The following SH2D3C variants were observed in gnomAD, a reference collection of about 807,000 sequenced individuals.
SH2D3C encodes the protein SH2 domain containing 3C.
Under a neutral mutation model 75.2 loss-of-function variants are expected in SH2D3C, and 25 were observed. The observed-to-expected ratio is 0.33, with a 90% CI of 0.24 to 0.46. SH2D3C has a LOEUF of 0.46. Among genes scored for constraint, SH2D3C ranks in the 20% least tolerant of loss-of-function variants. The pLI, the probability that SH2D3C is intolerant of heterozygous loss-of-function variation, is 1.00. For missense variants in SH2D3C, 933 were observed against 1,165.3 expected, an observed-to-expected ratio of 0.80 and a Z score of 2.90; for synonymous variants, 450 against 473.7, an observed-to-expected ratio of 0.95 and a Z score of 0.65.
At chr9:127,771,992 A>G (rs578255097) in intron 2 of SH2D3C, among the ~76,000 whole-genome samples, 1 of 152,262 alleles carries the variant, frequency 6.6e-6, no homozygotes, top group South Asian at 2.1e-4. Context: ...CAGATGAGAA[A>G]CTGAGGCTCC....
At position 127,742,975 on chromosome 9, in the gene SH2D3C, G is replaced by T; in HGVS notation, c.1801-11C>A. 2 of 1,595,826 alleles carry T rather than the reference G, an allele frequency of 1.3e-6. No individual in the cohort carries two copies. The highest frequency in any genetic ancestry group is 1.7e-6 in the Non-Finnish European group (2 of 1,164,066). On this transcript the variant is annotated splice_polypyrimidine_tract_variant and intron_variant, in intron 7 of 11. Transcript: ENST00000314830. ...CAGTATCCTAGCAACCTGCAAAGAC[G>T]CCCAGAGGGCTGATTAATATCCTGT...
At chr9:127,772,978 C>G (rs1845760115) in intron 2 of SH2D3C, among the ~76,000 whole-genome samples, 1 of 152,074 alleles carries the variant, frequency 6.6e-6, no homozygotes, top group South Asian at 2.1e-4. Context: ...GGACTACAGG[C>G]ACGCACCACC....
At chr9:127,757,272 ATTT>A (rs60217641) in intron 3 of SH2D3C, among the ~76,000 whole-genome samples, 4 of 138,632 alleles carry the variant, frequency 2.9e-5, no homozygotes, top group Non-Finnish European at 6.2e-5. Flanking sequence ...CCCTCATTTG[ATTT>A]TTTTTTTTTT....
chr9:127,773,971 C>G lies in SH2D3C; in HGVS notation c.515+19G>C, dbSNP rs1460077480. ...CAGAAGCCATCCCTGCAGGTCCCAA[C>G]CAGCCCCTGGGCACCTACCTTTCTG... is the stretch of plus-strand genomic sequence containing the variant. On this transcript the variant is annotated intron_variant, in intron 2 of 11. Coordinates refer to ENST00000314830, the MANE Select transcript of SH2D3C (RefSeq NM_170600.3). 2.0e-6 allele frequency: 3 copies of G among 1,485,424 alleles called. No homozygotes were observed. The highest frequency in any genetic ancestry group is 2.8e-6 in the Non-Finnish European group (3 of 1,072,912). The allele number at this position is 1,485,424 out of a possible 1,614,324, so 92.0% of individuals were successfully genotyped here.
At position 127,745,018 on chromosome 9, in the gene SH2D3C, G is replaced by A; in HGVS notation, c.1346C>T (p.Pro449Leu). Residue 449 changes from proline to leucine, a missense_variant, in exon 7 of 12, where the codon CCC becomes CTC. Transcript: ENST00000314830. The stretch of plus-strand genomic sequence containing the variant: ...TGGGGCACTTCCGGGACACAGCTGG[G>A]GCTCACTGGAACGGCGGGCGACAGG... ...ASPVARRSSE[P>L]QLCPGSAPKT... is the part of the protein sequence containing the mutation. The A allele has an allele frequency of 6.6e-7, 1 of 1,516,220 alleles. No homozygotes were observed. The highest frequency in any genetic ancestry group is 8.8e-7 in the Non-Finnish European group (1 of 1,132,874). 93.9% of individuals were successfully genotyped at this position (1,516,220 alleles called of 1,614,324 possible).
At chr9:127,740,420 C>A (rs1588488011) in intron 9 of SH2D3C, 51 bp from the exon 10 acceptor site, 1 of 1,366,026 alleles carries the variant, frequency 7.3e-7, no homozygotes, top group South Asian at 1.2e-5. Context: ...CCTGCAGGGG[C>A]CACCCTGCTG....
chr9:127,740,063 A>C (rs1433393469), intron 10 of SH2D3C, among the ~76,000 whole-genome samples, 175 bp from the exon 11 acceptor site: 1 of 152,070 alleles, frequency 6.6e-6, no homozygotes. Flanking sequence ...AACTGAACCC[A>C]CTGCAGCCCT....
In SH2D3C at chr9:127,739,948, G is replaced by T; in HGVS notation, c.2201-60C>A. On this transcript the variant is annotated intron_variant, in intron 10 of 11. Transcript: ENST00000314830. The surrounding 1 kb of genome is among the most constrained non-coding windows in gnomAD (Gnocchi z 4.3). The stretch of plus-strand genomic sequence containing the variant: ...CTGTAGTGCCCCACCATCCACTGCA[G>T]TCCTGGAAGCTGAGGTGCAGGAGGG... The T allele has an allele frequency of 7.0e-7, 1 of 1,428,928 alleles. No homozygotes were observed. Among genetic ancestry groups the T allele is most frequent in the Non-Finnish European group, 9.4e-7 (1 of 1,067,612 alleles). 88.5% of individuals were successfully genotyped at this position (1,428,928 alleles called of 1,614,324 possible).
At position 127,749,702 on chromosome 9, in the gene SH2D3C, C is replaced by T. The variant is rs2233502; in HGVS notation, c.685-37G>A. On this transcript the variant is annotated intron_variant, in intron 4 of 11. Coordinates refer to ENST00000314830, the MANE Select transcript of SH2D3C (RefSeq NM_170600.3). The surrounding 1 kb of genome is among the most constrained non-coding windows in gnomAD (Gnocchi z 5.9). ...ATGGTTAGGCTGGAGTAGGGTGGGG[C>T]CAGGAGAGGGTCAGACCCAGGATCT... 0.069 allele frequency: 95,735 copies of T among 1,387,356 alleles called. 3,640 individuals carry two copies. The highest frequency in any genetic ancestry group is 0.083 in the Middle Eastern group (447 of 5,416). The allele number at this position is 1,387,356 out of a possible 1,614,324, so 85.9% of individuals were successfully genotyped here.
intron 2 of SH2D3C, chr9:127,767,329 G>A (rs1032345481): frequency 9.1e-6 from 13 of 1,428,922 alleles, no homozygotes; most frequent in South Asian, 3.0e-5. Flanking sequence ...ATGAGGGAAC[G>A]CCTGGATCTC....
At position 127,744,650 on chromosome 9, in the gene SH2D3C, C is replaced by A. The variant is rs1844968328; in HGVS notation, c.1714G>T (p.Val572Leu). ...TCCTTGACCTTGCGCAGAAGGCCCACCTCCAGTGGCCGGTTATCCCTGGGG... is the reference window on the plus strand; with the variant it reads ...TCCTTGACCTTGCGCAGAAGGCCCAACTCCAGTGGCCGGTTATCCCTGGGG... The part of the protein sequence containing the change: ...LIPRDNRPLE[V>L]GLLRKVKELL... The change falls in exon 7 of 12, where the codon GTG becomes TTG. Residue 572 changes from valine to leucine, a missense_variant. Physicochemically the swap from Val to Leu is conservative, Grantham distance 32 (BLOSUM62 1). Coordinates refer to ENST00000314830, the MANE Select transcript of SH2D3C (RefSeq NM_170600.3). 3.1e-6 allele frequency: 5 copies of A among 1,614,218 alleles called. No individual in the cohort carries two copies. The highest frequency in any genetic ancestry group is 4.2e-6 in the Non-Finnish European group (5 of 1,180,034).
rs372007710 is a variant in SH2D3C, at chr9:127,749,580, C to T, written c.770G>A (p.Arg257His). 11 of 1,608,608 alleles carry T rather than the reference C, an allele frequency of 6.8e-6. No individual in the cohort carries two copies. The highest frequency in any genetic ancestry group is 1.1e-5 in the South Asian group (1 of 90,262). Residue 257 changes from arginine to histidine, a missense_variant, in exon 5 of 12, where the codon CGC becomes CAC. Arg to His is a conservative substitution (Grantham distance 29). Transcript: ENST00000314830. This position sits in a 1 kb window ranked among gnomAD's most constrained non-coding sequence, Gnocchi z 5.9. ...TSLGDYVLTC[R>H]WRNQALHFKI... ...GAAGTGCAAGGCCTGGTTGCGCCAG[C>T]GGCACGTGAGCACATAGTCGCCCAG... is the stretch of plus-strand genomic sequence containing the variant.
At chr9:127,762,296 T>A in intron 2 of SH2D3C, 1 of 1,281,970 alleles carries the variant, frequency 7.8e-7, no homozygotes, top group Non-Finnish European at 1.0e-6. Context: ...AGGGCCACCG[T>A]GAACCACTCC....
intron 2 of SH2D3C, chr9:127,771,512 A>T: frequency 1.9e-6 from 1 of 536,136 alleles, no homozygotes; most frequent in Non-Finnish European, 2.9e-6. Flanking sequence ...CTCGCCCCCT[A>T]GCACACCCCT....
At chr9:127,763,621 T>C (rs188450907) in intron 2 of SH2D3C, among the ~76,000 whole-genome samples, 59 of 152,280 alleles carry the variant, frequency 3.9e-4, no homozygotes, top group African/African-American at 1.4e-3. Context: ...TGGGTCCAGG[T>C]TCTCTGGTTA....
Position 127,754,754 on chromosome 9 carries a change from G to A in SH2D3C, c.556-3454C>T, listed in dbSNP as rs927234911. The stretch of plus-strand genomic sequence containing the variant: ...GCAAGGGCCAGCGTACCAGGCGGAG[G>A]ACCGGCAGGACGCCGGAGACCCCAT... On this transcript the variant is annotated intron_variant, in intron 3 of 11. Transcript: ENST00000314830. This position sits in a 1 kb window ranked among gnomAD's most constrained non-coding sequence, Gnocchi z 4.4. 3 of 463,982 alleles carry A rather than the reference G, an allele frequency of 6.5e-6. No individual in the cohort carries two copies. Among genetic ancestry groups the A allele is most frequent in the Non-Finnish European group, 1.3e-5 (3 of 223,194 alleles). 28.7% of individuals were successfully genotyped at this position (463,982 alleles called of 1,614,324 possible). A position where few individuals can be genotyped will look rare whatever the true frequency, so the allele number is the denominator to read the frequency against.
chr9:127,759,914 C>T (rs896761882), intron 3 of SH2D3C, among the ~76,000 whole-genome samples: 7 of 150,650 alleles, frequency 4.6e-5, no homozygotes, highest in African/African-American at 1.5e-4. Flanking sequence ...ACCCGGGAGG[C>T]GGAGCTTGCA....
intron 2 of SH2D3C, among the ~76,000 whole-genome samples, chr9:127,772,395 C>T (rs1399108346): frequency 6.6e-6 from 1 of 151,958 alleles, no homozygotes; most frequent in Non-Finnish European, 1.5e-5. Context: ...AGGTGCCCGC[C>T]GCCACACCCG....
At position 127,739,039 on chromosome 9, in the gene SH2D3C, G is replaced by C; in HGVS notation, c.2408-118C>G. 1 of 886,922 alleles carries C rather than the reference G, an allele frequency of 1.1e-6. No homozygotes were observed. Among genetic ancestry groups the C allele is most frequent in the Non-Finnish European group, 1.6e-6 (1 of 622,210 alleles). The allele number at this position is 886,922 out of a possible 1,614,324, so 54.9% of individuals were successfully genotyped here. On this transcript the variant is annotated intron_variant, in intron 11 of 11. Coordinates refer to ENST00000314830, the MANE Select transcript of SH2D3C (RefSeq NM_170600.3). This position sits in a 1 kb window ranked among gnomAD's most constrained non-coding sequence, Gnocchi z 4.3. Reference sequence around the variant, plus strand: ...TCAACTCCGCCAGGGATCCAACAAGGTTTGTGAATCAACACGACCCTGTAG... The same window carrying C: ...TCAACTCCGCCAGGGATCCAACAAGCTTTGTGAATCAACACGACCCTGTAG...
Sources: gnomAD v4.1 joint callset for allele counts (sites outside exome capture counted in the v4.1 genomes callset) on GRCh38, gnomAD v4.1.1 for gene constraint, Gnocchi (gnomAD v3.1) non-coding constraint, MANE v1.5 for transcripts, NCBI Gene and HGNC (gene_info 2026-07-23, HGNC 2026-07-21) for gene names.